Variants in MAGEC3 observed in about 807,000 individuals in gnomAD.
MAGEC3 encodes melanoma-associated antigen C3.
In MAGEC3, 34 loss-of-function variants were observed where a neutral mutation model predicts 35.3. That is an observed-to-expected ratio of 0.96 (90% CI 0.73 to 1.28). The LOEUF is 1.28. MAGEC3 is among the 50% of genes most tolerant of loss of function. The pLI, the probability that MAGEC3 is intolerant of heterozygous loss-of-function variation, is 0.00. For synonymous variants in MAGEC3, 202 were observed against 185.6 expected (o/e 1.09, Z -0.72); for missense variants, 561 against 483.6 (o/e 1.16, Z -1.50).
intron 1 of MAGEC3, among the ~76,000 whole-genome samples, chrX:141,856,599 A>G (rs1603057587): frequency 1.8e-5 from 2 of 111,849 alleles, no homozygotes; most frequent in African/African-American, 6.5e-5. Context: ...ATGTTGAAAA[A>G]GATTCTCATG....
intron 1 of MAGEC3, among the ~76,000 whole-genome samples, chrX:141,847,268 T>C (rs1279483976): frequency 9.0e-6 from 1 of 110,875 alleles, no homozygotes; most frequent in Non-Finnish European, 1.9e-5. Context: ...GAGTTGTAGA[T>C]TTCATTCACA....
intron 1 of MAGEC3, among the ~76,000 whole-genome samples, chrX:141,850,846 A>G (rs772387537): frequency 9.0e-6 from 1 of 111,241 alleles, no homozygotes; most frequent in Non-Finnish European, 1.9e-5. Context: ...CATTTAGATG[A>G]AACTGATTAA....
chrX:141,879,037 C>T lies in MAGEC3; in HGVS notation c.259-138C>T, dbSNP rs752356654. 253 of 705,034 alleles carry T rather than the reference C, an allele frequency of 3.6e-4. 1 individual carries two copies. In the African/African-American group the frequency reaches 5.1e-3, roughly 14 times the overall value. 58.1% of individuals were successfully genotyped at this position (705,034 alleles called of 1,213,427 possible). ...GTCTCAGGGATGGGAGGGGCTTATT[C>T]GGAGGTGAAAGACTCAGTTGCACAG... On this transcript the variant is annotated intron_variant, in intron 2 of 7. Coordinates refer to ENST00000298296, the MANE Select transcript of MAGEC3 (RefSeq NM_138702.1).
intron 2 of MAGEC3, among the ~76,000 whole-genome samples, chrX:141,870,089 A>G (rs1258580032): frequency 8.9e-6 from 1 of 111,733 alleles, no homozygotes; most frequent in Admixed American, 9.5e-5. Context: ...AAAACACTTG[A>G]CATTATGAAA....
chrX:141,846,595 C>G (rs961171551), intron 1 of MAGEC3, among the ~76,000 whole-genome samples: 3 of 111,021 alleles, frequency 2.7e-5, no homozygotes, highest in African/African-American at 6.5e-5. Context: ...TGTGCCTTCT[C>G]TTTCTCAAGT....
intron 2 of MAGEC3, among the ~76,000 whole-genome samples, chrX:141,873,248 G>C (rs1160481062): frequency 9.0e-6 from 1 of 110,944 alleles, no homozygotes; most frequent in Non-Finnish European, 1.9e-5. Context: ...TTTTGTATCT[G>C]TTCCCATACC....
At chrX:141,849,942 A>G (rs1046246837) in intron 1 of MAGEC3, among the ~76,000 whole-genome samples, 3 of 111,454 alleles carry the variant, frequency 2.7e-5, no homozygotes, top group African/African-American at 9.8e-5. Context: ...TCACAGTGCT[A>G]TTCACAATAG....
At chrX:141,855,308 T>C (rs189085097) in intron 1 of MAGEC3, among the ~76,000 whole-genome samples, 2 of 111,112 alleles carry the variant, frequency 1.8e-5, no homozygotes, top group African/African-American at 3.3e-5. Context: ...TAGAATTATA[T>C]CTAGAAAATC....
At chrX:141,896,751 TGAG>T (rs745360532) in intron 6 of MAGEC3, 128 bp from the exon 7 acceptor site, 12 of 1,209,584 alleles carry the variant, frequency 9.9e-6, no homozygotes, top group African/African-American at 8.8e-5. Flanking sequence ...ATTCCATAGA[TGAG>T]GAGGAGGAGG....
intron 1 of MAGEC3, among the ~76,000 whole-genome samples, chrX:141,859,511 A>G (rs190825233): frequency 9.0e-6 from 1 of 111,642 alleles, no homozygotes; most frequent in East Asian, 2.8e-4. Flanking sequence ...TACAGATATT[A>G]ATCTTTTGTC....
rs748609969 is a variant in MAGEC3, at chrX:141,865,561, G to C, written c.214G>C (p.Asp72His). 33 of 1,208,505 alleles carry C rather than the reference G, an allele frequency of 2.7e-5. No homozygotes were observed. The East Asian group carries it at 3.0e-4, about 11-fold the overall frequency. ...VRLFLRGGTS[D>H]QRMDSLVLCP... ...GCTTTTTCTGAGGGGTGGAACTTCAGATCAGCGAATGGATAGTCTTGTCCT... is the reference window on the plus strand; with the variant it reads ...GCTTTTTCTGAGGGGTGGAACTTCACATCAGCGAATGGATAGTCTTGTCCT... The change falls in exon 2 of 8, where the codon GAT becomes CAT. Residue 72 changes from aspartate to histidine, a missense_variant. Asp to His is a moderately conservative substitution (Grantham distance 81, BLOSUM62 -1). Coordinates refer to ENST00000298296, the MANE Select transcript of MAGEC3 (RefSeq NM_138702.1).
chrX:141,883,128 G>A (rs2017978092), intron 4 of MAGEC3, among the ~76,000 whole-genome samples: 1 of 112,102 alleles, frequency 8.9e-6, no homozygotes, highest in African/African-American at 3.2e-5. Context: ...CTTGAACACA[G>A]TGCAAGGACT....
Position 141,881,403 on chromosome X carries a change from C to G in MAGEC3, c.516C>G (p.Ser172Arg), listed in dbSNP as rs1219395265. 2.5e-6 allele frequency: 3 copies of G among 1,192,796 alleles called. No homozygotes were observed. The highest frequency in any genetic ancestry group is 1.8e-5 in the African/African-American group (1 of 56,989). Reference sequence around the variant, plus strand: ...ATGAAGATACAAGTACCTGGCACAGCTTGCCAGAGAGCGAGCCCTTGTTCA... The same window carrying G: ...ATGAAGATACAAGTACCTGGCACAGGTTGCCAGAGAGCGAGCCCTTGTTCA... ...GKRLWGEKAG[S>R]LPESEPLFTY... The change falls in exon 4 of 8, where the codon AGC becomes AGG. Residue 172 changes from serine (S) to arginine (R), a missense_variant and splice_region_variant. Physicochemically the swap from Ser to Arg is moderately radical, Grantham distance 110. Transcript: ENST00000298296.
At chrX:141,882,786 T>A (rs1385375712) in intron 4 of MAGEC3, among the ~76,000 whole-genome samples, 1 of 110,875 alleles carries the variant, frequency 9.0e-6, no homozygotes, top group Non-Finnish European at 1.9e-5. Flanking sequence ...AACAATAGAG[T>A]CTAGGAGCAG....
At chrX:141,894,063 G>A (rs139875710) in intron 4 of MAGEC3, among the ~76,000 whole-genome samples, 1,899 of 111,768 alleles carry the variant, frequency 0.017, 19 homozygotes, top group Middle Eastern at 0.042. Context: ...TTAAATCCAT[G>A]TTTTGTGGAC....
intron 1 of MAGEC3, among the ~76,000 whole-genome samples, chrX:141,861,005 TCA>T (rs780740840): frequency 1.8e-5 from 2 of 111,641 alleles, no homozygotes; most frequent in Non-Finnish European, 3.8e-5. Context: ...TATATATATT[TCA>T]CCATAATTAA....
chrX:141,891,819 A>G (rs1336936235), intron 4 of MAGEC3, among the ~76,000 whole-genome samples: 1 of 108,730 alleles, frequency 9.2e-6, no homozygotes, highest in Non-Finnish European at 1.9e-5. Context: ...TGCCACTCTG[A>G]TAGGTTCAAT....
intron 1 of MAGEC3, among the ~76,000 whole-genome samples, chrX:141,842,752 C>T (rs975832603): frequency 9.0e-6 from 1 of 111,605 alleles, no homozygotes; most frequent in Non-Finnish European, 1.9e-5. Flanking sequence ...CTGGCAGACC[C>T]GGGAATGAAA....
rs1457865475 is a variant in MAGEC3, at chrX:141,894,156, TTGAC to T, written c.910-1108_910-1105del. On this transcript the variant is annotated intron_variant, in intron 4 of 7. Transcript: ENST00000298296. ...TTGCTAGAGTCTTTGGAGAAGTGCC[TTGAC>T]TGACCTCAAAAGAGATGCACAGGGG... Among the ~76,000 whole-genome samples, 3 of 111,811 alleles carry T rather than the reference TTGAC, an allele frequency of 2.7e-5. No individual in the cohort carries two copies. In the East Asian group the frequency reaches 8.5e-4, roughly 32 times the overall value.
Sources: gnomAD v4.1 joint callset for allele counts (sites outside exome capture counted in the v4.1 genomes callset) on GRCh38, gnomAD v4.1.1 for gene constraint, MANE v1.5 for transcripts, NCBI Gene and HGNC (gene_info 2026-07-23, HGNC 2026-07-21) for gene names.